Variants in GNG7 observed in about 807,000 individuals in gnomAD.
The protein encoded by GNG7 is guanine nucleotide-binding protein G(I)/G(S)/G(O) subunit gamma-7.
GNG7 carries 1 observed loss-of-function variant against 4.0 expected under a neutral mutation model. That is an observed-to-expected ratio of 0.25 (90% CI 0.09 to 1.18). The LOEUF (loss-of-function observed/expected upper bound fraction) is 1.18. Ranked by LOEUF, GNG7 falls within the 50% of genes most tolerant of loss-of-function variation. The pLI, the probability that GNG7 is intolerant of heterozygous loss-of-function variation, is 0.50. For synonymous variants in GNG7, 34 were observed against 36.9 expected (o/e 0.92, Z 0.29); for missense variants, 86 against 91.9 (o/e 0.94, Z 0.26).
At chr19:2,702,302 C>A (rs1282284760) in intron 1 of GNG7, among the ~76,000 whole-genome samples, 1 of 149,556 alleles carries the variant, frequency 6.7e-6, no homozygotes, top group Admixed American at 6.7e-5. Context: ...AATGCCCAGA[C>A]CCAATCCTTC....
chr19:2,589,130 C>G (rs999523265), intron 2 of GNG7, among the ~76,000 whole-genome samples: 2 of 151,778 alleles, frequency 1.3e-5, no homozygotes, highest in Admixed American at 1.3e-4. Flanking sequence ...GTTTCTCCAC[C>G]TTGGTCAGGC....
chr19:2,654,474 T>C (rs1982910807), intron 1 of GNG7, among the ~76,000 whole-genome samples: 1 of 150,948 alleles, frequency 6.6e-6, no homozygotes, highest in East Asian at 2.0e-4. Context: ...CAGTCACAGA[T>C]GTCCCCAGAC....
intron 3 of GNG7, among the ~76,000 whole-genome samples, chr19:2,554,660 T>G (rs1372594922): frequency 6.6e-6 from 1 of 151,724 alleles, no homozygotes; most frequent in Non-Finnish European, 1.5e-5. Flanking sequence ...GTTCAAGCGA[T>G]TCTCCTGCCT....
chr19:2,651,223 ACTTCCTTCCTTCCTTCCTTCCTTTC>A (rs1307317238), intron 1 of GNG7, among the ~76,000 whole-genome samples: 2 of 135,374 alleles, frequency 1.5e-5, no homozygotes, highest in East Asian at 2.5e-4. Context: ...TCTCTGTCCG[ACTTCCTTCCTTCCTTCCTTCCTTTC>A]CTTCCTTCCT....
intron 2 of GNG7, among the ~76,000 whole-genome samples, chr19:2,566,575 G>A (rs565502774): frequency 6.6e-4 from 101 of 152,320 alleles, no homozygotes; most frequent in Admixed American, 1.6e-3. Context: ...CACAGCAATG[G>A]TCGGGGGACA....
At chr19:2,555,395 C>T (rs1052894591) in intron 2 of GNG7, among the ~76,000 whole-genome samples, 1 of 152,198 alleles carries the variant, frequency 6.6e-6, no homozygotes, top group Non-Finnish European at 1.5e-5. Context: ...GCGGAGAAGA[C>T]CTGGATGCTT....
At position 2,513,650 on chromosome 19, in the gene GNG7, G is replaced by A. The variant is rs1404529003; in HGVS notation, c.*1372C>T. The A allele has an allele frequency of 1.6e-5, 13 of 825,156 alleles. No individual in the cohort carries two copies. The highest frequency in any genetic ancestry group is 1.9e-5 in the Non-Finnish European group (13 of 683,844). The allele number at this position is 825,156 out of a possible 1,614,324, so 51.1% of individuals were successfully genotyped here. The stretch of plus-strand genomic sequence containing the variant: ...GTGGAAAAGCAAAAAGATCGGGTTC[G>A]AGCGACAGGGTAACGTTTTGAGCGG... On this transcript the variant is annotated 3_prime_UTR_variant, in exon 5 of 5. Transcript: ENST00000382159.
At chr19:2,688,306 C>T (rs962474688) in intron 1 of GNG7, among the ~76,000 whole-genome samples, 5 of 152,104 alleles carry the variant, frequency 3.3e-5, no homozygotes, top group African/African-American at 7.2e-5. Flanking sequence ...GTTTGCCGTA[C>T]GAAGGATGGA....
intron 2 of GNG7, among the ~76,000 whole-genome samples, chr19:2,591,871 A>G (rs1002926411): frequency 7.2e-5 from 11 of 152,200 alleles, no homozygotes; most frequent in African/African-American, 1.7e-4. Flanking sequence ...AATGAATATT[A>G]TAACACCAAA....
intron 1 of GNG7, among the ~76,000 whole-genome samples, chr19:2,698,656 G>T (rs1913328917): frequency 6.6e-6 from 1 of 152,126 alleles, no homozygotes; most frequent in African/African-American, 2.4e-5. Context: ...AAGAAACCAT[G>T]AAGCATCTTC....
chr19:2,541,089 C>T (rs1329265912), intron 3 of GNG7, among the ~76,000 whole-genome samples: 2 of 152,204 alleles, frequency 1.3e-5, no homozygotes, highest in African/African-American at 4.8e-5. Context: ...GGCTCCTGGG[C>T]CTGGCGGCCA....
rs1005069173 is a variant in GNG7, at chr19:2,617,230, A to G, written c.-78+28994T>C. On this transcript the variant is annotated intron_variant, in intron 2 of 4. Coordinates refer to ENST00000382159, the MANE Select transcript of GNG7 (RefSeq NM_052847.3). This position sits in a 1 kb window ranked among gnomAD's most constrained non-coding sequence, Gnocchi z 4.7. The stretch of plus-strand genomic sequence containing the variant: ...GCATCTCCAGTCGTGACAACCACAG[A>G]TGTCCCCAGATATCACCCAGAGTCC... 8.5e-5 allele frequency among the ~76,000 whole-genome samples: 13 copies of G among 152,218 alleles called. No homozygotes were observed. Among genetic ancestry groups the G allele is most frequent in the Admixed American group, 7.8e-4 (12 of 15,294 alleles).
Position 2,633,388 on chromosome 19 carries a change from C to A in GNG7, c.-78+12836G>T, listed in dbSNP as rs901399950. 6.6e-6 allele frequency among the ~76,000 whole-genome samples: 1 copy of A among 152,114 alleles called. No individual in the cohort carries two copies. Among genetic ancestry groups the A allele is most frequent in the Non-Finnish European group, 1.5e-5 (1 of 68,020 alleles). ...TTTTGAGTCAAAGGCGGCCAAGGCT[C>A]GATGAATCTGCCGATGACCAAGTTG... On this transcript the variant is annotated intron_variant, in intron 2 of 4. Transcript: ENST00000382159. This position sits in a 1 kb window ranked among gnomAD's most constrained non-coding sequence, Gnocchi z 5.9.
chr19:2,553,393 T>TGC (rs1568240826), intron 3 of GNG7, among the ~76,000 whole-genome samples: 1 of 138,166 alleles, frequency 7.2e-6, no homozygotes, highest in Non-Finnish European at 1.5e-5. Context: ...CATATATATA[T>TGC]ATACATATAT....
chr19:2,664,226 G>A (rs916729810), intron 1 of GNG7, among the ~76,000 whole-genome samples: 16 of 152,242 alleles, frequency 1.1e-4, no homozygotes, highest in Non-Finnish European at 2.4e-4. Flanking sequence ...TCTCGTTGGA[G>A]GCTGGATATA....
chr19:2,671,553 C>T (rs1438202215), intron 1 of GNG7, among the ~76,000 whole-genome samples: 3 of 151,902 alleles, frequency 2.0e-5, no homozygotes, highest in African/African-American at 4.8e-5. Flanking sequence ...GGCTGAGCTC[C>T]GAGGCCATGT....
At chr19:2,688,173 A>C (rs1269795075) in intron 1 of GNG7, among the ~76,000 whole-genome samples, 1 of 152,212 alleles carries the variant, frequency 6.6e-6, no homozygotes, top group Non-Finnish European at 1.5e-5. Context: ...GAATGGTGTA[A>C]ACCCAGGAGG....
intron 2 of GNG7, among the ~76,000 whole-genome samples, chr19:2,560,912 G>A (rs370955154): frequency 2.0e-5 from 3 of 149,676 alleles, no homozygotes; most frequent in Admixed American, 6.7e-5. Context: ...AGCCGAGATC[G>A]TACCATTGCA....
chr19:2,531,219 C>G (rs4806863), intron 3 of GNG7, among the ~76,000 whole-genome samples: 52,998 of 149,390 alleles, frequency 0.35, 9,729 homozygotes, highest in East Asian at 0.5. Context: ...TGAGAGAATC[C>G]CTTGAATCCG....
Sources: allele counts gnomAD v4.1 joint callset (sites outside exome capture counted in the v4.1 genomes callset), GRCh38; gene constraint gnomAD v4.1.1; non-coding constraint Gnocchi (gnomAD v3.1); transcripts MANE v1.5; gene names NCBI Gene and HGNC (gene_info 2026-07-23, HGNC 2026-07-21).